Variants in PARP8 observed in about 807,000 individuals in gnomAD.
The protein encoded by PARP8 is poly(ADP-ribose) polymerase family member 8, also known as protein mono-ADP-ribosyltransferase PARP8.
PARP8 carries 51 observed loss-of-function variants against 124.1 expected under a neutral mutation model. That is an observed-to-expected ratio of 0.41 (90% CI 0.33 to 0.52). The LOEUF (loss-of-function observed/expected upper bound fraction) is 0.52. Among genes scored for constraint, PARP8 ranks in the 20% least tolerant of loss-of-function variants. The probability of loss-of-function intolerance (pLI) is 0.21; values close to 1 mark genes in which losing one functional copy is unlikely to be tolerated. For synonymous variants in PARP8, 391 were observed against 361.5 expected, an observed-to-expected ratio of 1.08 and a Z score of -0.93; for missense variants, 860 against 1,018.9, an observed-to-expected ratio of 0.84 and a Z score of 2.12.
chr5:50,695,687 TC>T (rs61681373), intron 2 of PARP8, among the ~76,000 whole-genome samples: 80,373 of 151,922 alleles, frequency 0.53, 23,231 homozygotes, highest in East Asian at 0.64. Context: ...TAAATTTTTT[TC>T]TAATAACAAA....
chr5:50,835,003 G>T lies in PARP8; in HGVS notation c.2450G>T (p.Arg817Leu). The change falls in exon 25 of 26, where the codon CGA becomes CTA. Residue 817 changes from arginine to leucine, a missense_variant. Arg to Leu is a moderately radical substitution (Grantham distance 102). Coordinates refer to ENST00000281631, the MANE Select transcript of PARP8 (RefSeq NM_024615.4). ...CCCAATACTGACCATGTCTGCACACGATTCTTTTTCGTGTAAGTGGAAATG... is the reference window on the plus strand; with the variant it reads ...CCCAATACTGACCATGTCTGCACACTATTCTTTTTCGTGTAAGTGGAAATG... Reference protein sequence around the residue: ...VVPNTDHVCTRFFFVYEDGQV... With the variant: ...VVPNTDHVCTLFFFVYEDGQV... 6.2e-7 allele frequency: 1 copy of T among 1,612,672 alleles called. No homozygotes were observed. Among genetic ancestry groups the T allele is most frequent in the Non-Finnish European group, 8.5e-7 (1 of 1,179,174 alleles).
intron 2 of PARP8, among the ~76,000 whole-genome samples, chr5:50,703,320 TG>T (rs1364515105): frequency 6.6e-6 from 1 of 151,476 alleles, no homozygotes; most frequent in Non-Finnish European, 1.5e-5. Flanking sequence ...AAAAAAGTCT[TG>T]TAAAGGCAGA....
Position 50,846,058 on chromosome 5 carries a change from T to G in PARP8, c.*3990T>G, listed in dbSNP as rs1033601092. 2 of 151,766 alleles carry G rather than the reference T, an allele frequency of 1.3e-5. No homozygotes were observed. Among genetic ancestry groups the G allele is most frequent in the African/African-American group, 4.8e-5 (2 of 41,392 alleles). 9.4% of individuals were successfully genotyped at this position (151,766 alleles called of 1,614,324 possible). ...AAAAAAGCTGTGTTGACGAATAGAT[T>G]ACATTTCACATTTACCAGCAAGTCA... On this transcript the variant is annotated 3_prime_UTR_variant, in exon 26 of 26. Coordinates refer to ENST00000281631, the MANE Select transcript of PARP8 (RefSeq NM_024615.4).
At chr5:50,752,115 G>A (rs188279746) in intron 3 of PARP8, among the ~76,000 whole-genome samples, 68 of 151,874 alleles carry the variant, frequency 4.5e-4, no homozygotes, top group Middle Eastern at 6.9e-3. Flanking sequence ...CATTTACCAA[G>A]CTTTTTTTTA....
intron 22 of PARP8, 112 bp from the exon 23 acceptor site, chr5:50,832,669 C>A: frequency 2.0e-6 from 2 of 1,015,788 alleles, no homozygotes; most frequent in Admixed American, 1.9e-5. Flanking sequence ...TGTCTCTAGC[C>A]TAATGTGATC....
At chr5:50,838,802 C>T (rs1747862538) in intron 25 of PARP8, among the ~76,000 whole-genome samples, 2 of 152,010 alleles carry the variant, frequency 1.3e-5, no homozygotes, top group African/African-American at 2.4e-5. Context: ...GTATTTCCCA[C>T]TATTGTGCCT....
intron 7 of PARP8, among the ~76,000 whole-genome samples, chr5:50,768,792 C>T (rs1301200707): frequency 6.6e-6 from 1 of 152,078 alleles, no homozygotes; most frequent in Non-Finnish European, 1.5e-5. Flanking sequence ...TGGGTCGCTG[C>T]ATCTGGACAA....
rs1289829106 is a variant in PARP8 at position 50,747,821 on chromosome 5, A to AGAGT, written c.147-2328_147-2325dup. ...GGAGTCTCGCTCTGTCGCCCAGGCTAGAGTGCAGTGGCGCGATCTCGGCTC... is the reference window on the plus strand; with the variant it reads ...GGAGTCTCGCTCTGTCGCCCAGGCTAGAGTGAGTGCAGTGGCGCGATCTCGGCTC... On this transcript the variant is annotated intron_variant, in intron 2 of 25. Coordinates refer to ENST00000281631, the MANE Select transcript of PARP8 (RefSeq NM_024615.4). Among the ~76,000 whole-genome samples the AGAGT allele has an allele frequency of 4.2e-5, 5 of 120,394 alleles. No individual in the cohort carries two copies. In the Admixed American group the frequency reaches 6.3e-4, roughly 15 times the overall value. 79.0% of individuals were successfully genotyped at this position (120,394 alleles called of 152,430 possible).
intron 2 of PARP8, among the ~76,000 whole-genome samples, chr5:50,686,119 C>A (rs1009039508): frequency 6.6e-6 from 1 of 152,176 alleles, no homozygotes; most frequent in Non-Finnish European, 1.5e-5. Flanking sequence ...ATGGAAAGTC[C>A]CTTCCACCTG....
intron 14 of PARP8, among the ~76,000 whole-genome samples, chr5:50,812,621 G>A (rs1371466032): frequency 6.6e-6 from 1 of 151,220 alleles, no homozygotes; most frequent in South Asian, 2.1e-4. Flanking sequence ...GTCAATTTTG[G>A]CTTTTGTTGC....
chr5:50,747,150 G>GTTTTTTTTTT (rs1561320439), intron 2 of PARP8, among the ~76,000 whole-genome samples: 10 of 38,480 alleles, frequency 2.6e-4, no homozygotes, highest in African/African-American at 7.0e-4. Context: ...GGTTTTTTTT[G>GTTTTTTTTTT]TTTGTTTGTT....
chr5:50,667,099 G>C lies in PARP8; in HGVS notation c.4G>C (p.Gly2Arg). 1 of 1,596,350 alleles carries C rather than the reference G, an allele frequency of 6.3e-7. No homozygotes were observed. Among genetic ancestry groups the C allele is most frequent in the Non-Finnish European group, 8.5e-7 (1 of 1,179,756 alleles). ...TTCTTTTCCAGGGATTTATTTAATG[G>C]GGATGTGTTCAAGGCAAGAGCGAAT... is the stretch of plus-strand genomic sequence containing the variant. The part of the protein sequence containing the change: M[G>R]MCSRQERIQK... The change falls in exon 1 of 26, where the codon GGG becomes CGG. Residue 2 changes from glycine (G) to arginine (R), a missense_variant. This residue lies in a region of PARP8 where 517 missense variants were observed against 544.2 expected (regional missense o/e 0.95). Coordinates refer to ENST00000281631, the MANE Select transcript of PARP8 (RefSeq NM_024615.4).
chr5:50,835,982 G>C (rs1428800081), intron 25 of PARP8, among the ~76,000 whole-genome samples: 1 of 152,094 alleles, frequency 6.6e-6, no homozygotes, highest in Non-Finnish European at 1.5e-5. Flanking sequence ...ACTTTATGTA[G>C]TATATTTAAA....
At chr5:50,814,888 A>T (rs1428141504) in intron 14 of PARP8, among the ~76,000 whole-genome samples, 1 of 152,208 alleles carries the variant, frequency 6.6e-6, no homozygotes, top group Non-Finnish European at 1.5e-5. Flanking sequence ...TGTTGACTTC[A>T]TGAGGTTATA....
chr5:50,675,893 C>T (rs1347788832), intron 2 of PARP8, among the ~76,000 whole-genome samples: 1 of 152,048 alleles, frequency 6.6e-6, no homozygotes, highest in Non-Finnish European at 1.5e-5. Flanking sequence ...ACTAGAACTC[C>T]AACTCCTAGC....
intron 6 of PARP8, among the ~76,000 whole-genome samples, chr5:50,762,200 C>G (rs1228731718): frequency 1.3e-5 from 2 of 152,062 alleles, no homozygotes; most frequent in Non-Finnish European, 2.9e-5. Context: ...ATGTTGTGTT[C>G]AGTCACTATT....
chr5:50,677,526 G>A (rs1194886862), intron 2 of PARP8, among the ~76,000 whole-genome samples: 1 of 152,124 alleles, frequency 6.6e-6, no homozygotes, highest in African/African-American at 2.4e-5. Context: ...GCCTAGAATG[G>A]TGATTTCAGT....
In PARP8 at chr5:50,778,728, T is replaced by A. The variant is rs114019547; in HGVS notation, c.670+78T>A. ...TGCCTTAAGCAAAATGCGTGTTCAT[T>A]TGTCAGTTCTGAGCAAAAGTGCTAA... is the stretch of plus-strand genomic sequence containing the variant. On this transcript the variant is annotated intron_variant, in intron 9 of 25. Coordinates refer to ENST00000281631, the MANE Select transcript of PARP8 (RefSeq NM_024615.4). The A allele has an allele frequency of 7.4e-4, 648 of 872,908 alleles. 2 individuals carry two copies. The African/African-American group carries it at 0.01, about 14-fold the overall frequency. 54.1% of individuals were successfully genotyped at this position (872,908 alleles called of 1,614,324 possible). A position where few individuals can be genotyped will look rare whatever the true frequency, so the allele number is the denominator to read the frequency against.
At chr5:50,744,800 G>C in intron 2 of PARP8, 2 of 699,530 alleles carry the variant, frequency 2.9e-6, no homozygotes, top group Non-Finnish European at 5.2e-6. Context: ...AAGGAATTCA[G>C]AACTTGCTCT....
Sources: gnomAD v4.1 joint callset for allele counts (sites outside exome capture counted in the v4.1 genomes callset) on GRCh38, gnomAD v4.1.1 for gene constraint, gnomAD v4.1.1 regional missense constraint, MANE v1.5 for transcripts, NCBI Gene and HGNC (gene_info 2026-07-23, HGNC 2026-07-21) for gene names.